BCAS3: variants seen among roughly 807,000 people sequenced by gnomAD.
The protein encoded by BCAS3 is BCAS4/BCAS3 fusion.
In BCAS3, 53 loss-of-function variants were observed where a neutral mutation model predicts 116.1. That is an observed-to-expected ratio of 0.46 (90% CI 0.37 to 0.57). The LOEUF (loss-of-function observed/expected upper bound fraction) is 0.57. Ranked by LOEUF, BCAS3 falls within the 20% of genes least tolerant of loss-of-function variation. The pLI is 0.00. For missense variants in BCAS3, 917 were observed against 1,165.4 expected, an observed-to-expected ratio of 0.79 and a Z score of 3.10; for synonymous variants, 391 against 408.2, an observed-to-expected ratio of 0.96 and a Z score of 0.51.
At chr17:61,177,718 A>G (rs1347880922) in intron 22 of BCAS3, among the ~76,000 whole-genome samples, 2 of 152,266 alleles carry the variant, frequency 1.3e-5, no homozygotes, top group East Asian at 1.9e-4. Flanking sequence ...CAATTAAACT[A>G]TCAAAATATA....
chr17:61,095,844 TAC>T lies in BCAS3; in HGVS notation c.2425+11308_2425+11309del, dbSNP rs10671633. Among the ~76,000 whole-genome samples, 863 of 145,148 alleles carry T rather than the reference TAC, an allele frequency of 5.9e-3. 4 individuals carry two copies. The highest frequency in any genetic ancestry group is 8.3e-3 in the African/African-American group (331 of 39,980). ...AAAACCACTGGTATGCATATTCTCG[TAC>T]ACACACACACACACACACACACACA... On this transcript the variant is annotated intron_variant, in intron 22 of 23. Coordinates refer to ENST00000407086, the MANE Select transcript of BCAS3 (RefSeq NM_017679.5). This position sits in a 1 kb window ranked among gnomAD's most constrained non-coding sequence, Gnocchi z 4.7.
chr17:60,986,380 C>T (rs539586979), intron 14 of BCAS3, among the ~76,000 whole-genome samples: 6 of 152,212 alleles, frequency 3.9e-5, no homozygotes, highest in South Asian at 4.1e-4. Flanking sequence ...CTGGATCATA[C>T]GGTAGCTCTA....
rs1377940997 is a variant in BCAS3, at chr17:61,205,573, A to G, written c.2425+121009A>G. On this transcript the variant is annotated intron_variant, in intron 22 of 23. Coordinates refer to ENST00000407086, the MANE Select transcript of BCAS3 (RefSeq NM_017679.5). The surrounding 1 kb of genome is among the most constrained non-coding windows in gnomAD (Gnocchi z 5.2). ...CAGCCATAATGTCATTGACCTTGAC[A>G]TACTCAGAACAAATTGGTCTGTGTG... Among the ~76,000 whole-genome samples, 3 of 152,204 alleles carry G rather than the reference A, an allele frequency of 2.0e-5. No homozygotes were observed. The highest frequency in any genetic ancestry group is 2.9e-5 in the Non-Finnish European group (2 of 68,038).
At chr17:60,933,335 C>T (rs2059760449) in intron 13 of BCAS3, among the ~76,000 whole-genome samples, 1 of 152,138 alleles carries the variant, frequency 6.6e-6, no homozygotes. Flanking sequence ...TGACATGAAC[C>T]TTTAATTCAG....
chr17:61,340,313 A>C lies in BCAS3; in HGVS notation c.2426-28014A>C, dbSNP rs73993463. ...ATTGACCTTGGTAGAAGGAAGGGGG[A>C]CTGTGTATACACAGATGCAGGGGGT... On this transcript the variant is annotated intron_variant, in intron 22 of 23. Coordinates refer to ENST00000407086, the MANE Select transcript of BCAS3 (RefSeq NM_017679.5). Among the ~76,000 whole-genome samples, 861 of 116,492 alleles carry C rather than the reference A, an allele frequency of 7.4e-3. 10 individuals carry two copies. Among genetic ancestry groups the C allele is most frequent in the African/African-American group, 0.028 (827 of 29,282 alleles). 76.4% of individuals were successfully genotyped at this position (116,492 alleles called of 152,430 possible). A position where few individuals can be genotyped will look rare whatever the true frequency, so the allele number is the denominator to read the frequency against.
At chr17:60,925,988 A>G (rs556564725) in intron 13 of BCAS3, among the ~76,000 whole-genome samples, 54 of 152,254 alleles carry the variant, frequency 3.5e-4, no homozygotes, top group South Asian at 2.5e-3. Context: ...CAATATTTTA[A>G]GTGATTTTGT....
At chr17:61,100,430 G>T (rs182230271) in intron 22 of BCAS3, among the ~76,000 whole-genome samples, 1 of 152,152 alleles carries the variant, frequency 6.6e-6, no homozygotes, top group Non-Finnish European at 1.5e-5. Flanking sequence ...TATGGTGCCT[G>T]ACACTTTTCA....
intron 23 of BCAS3, among the ~76,000 whole-genome samples, chr17:61,374,671 G>C (rs2059245817): frequency 2.0e-5 from 3 of 152,136 alleles, no homozygotes; most frequent in Admixed American, 1.3e-4. Context: ...AGTTATTCTT[G>C]GGGATAACAT....
chr17:61,116,021 C>T (rs904128333), intron 22 of BCAS3, among the ~76,000 whole-genome samples: 1 of 144,026 alleles, frequency 6.9e-6, no homozygotes, highest in Non-Finnish European at 1.5e-5. Flanking sequence ...TATTCTCACT[C>T]ATAGGTGGGA....
At chr17:61,290,573 T>G (rs1341948940) in intron 22 of BCAS3, among the ~76,000 whole-genome samples, 1 of 152,194 alleles carries the variant, frequency 6.6e-6, no homozygotes, top group Non-Finnish European at 1.5e-5. Flanking sequence ...TTCAGAGAGA[T>G]CTAGATAACG....
intron 22 of BCAS3, among the ~76,000 whole-genome samples, chr17:61,172,549 A>C (rs150636530): frequency 0.02 from 3,084 of 152,318 alleles, 111 homozygotes; most frequent in African/African-American, 0.071. Context: ...AGGAGGGAGA[A>C]GGGCGTGAAC....
chr17:60,776,198 T>C (rs1487759150), intron 6 of BCAS3, among the ~76,000 whole-genome samples: 2 of 152,336 alleles, frequency 1.3e-5, no homozygotes, highest in East Asian at 3.9e-4. Flanking sequence ...ATAACAGTAT[T>C]GACTCAGTTT....
chr17:60,701,817 A>AAAAAAAAAG (rs2036442986), intron 4 of BCAS3, among the ~76,000 whole-genome samples: 4 of 149,142 alleles, frequency 2.7e-5, no homozygotes, highest in African/African-American at 1.0e-4. Flanking sequence ...AAAAAAAAAA[A>AAAAAAAAAG]AAAAGAAAAA....
At position 61,368,317 on chromosome 17, in the gene BCAS3, T is replaced by C; in HGVS notation, c.2426-10T>C. 1 of 1,583,732 alleles carries C rather than the reference T, an allele frequency of 6.3e-7. No homozygotes were observed. The highest frequency in any genetic ancestry group is 1.1e-5 in the South Asian group (1 of 89,054). The stretch of plus-strand genomic sequence containing the variant: ...TGGACTCAACGTCAGATGTCCCGTG[T>C]GTGCCACAGGTACCTTTGACAGGAG... On this transcript the variant is annotated splice_polypyrimidine_tract_variant and intron_variant, in intron 22 of 23. Transcript: ENST00000407086. The surrounding 1 kb of genome is among the most constrained non-coding windows in gnomAD (Gnocchi z 6.0).
In BCAS3 at chr17:61,124,071, G is replaced by A. The variant is rs919700379; in HGVS notation, c.2425+39507G>A. On this transcript the variant is annotated intron_variant, in intron 22 of 23. Transcript: ENST00000407086. This position sits in a 1 kb window ranked among gnomAD's most constrained non-coding sequence, Gnocchi z 4.6. The stretch of plus-strand genomic sequence containing the variant: ...TTATTTCAAACTTGTATCTAGGAGA[G>A]AGATATATATATATACATATATATG... 6.6e-6 allele frequency among the ~76,000 whole-genome samples: 1 copy of A among 151,696 alleles called. No individual in the cohort carries two copies. The highest frequency in any genetic ancestry group is 6.6e-5 in the Admixed American group (1 of 15,232).
chr17:60,778,055 A>C (rs2045472716), intron 6 of BCAS3, among the ~76,000 whole-genome samples: 1 of 152,104 alleles, frequency 6.6e-6, no homozygotes, highest in African/African-American at 2.4e-5. Context: ...TTGAGTTTAG[A>C]TAGTTCTTTA....
At position 61,128,559 on chromosome 17, in the gene BCAS3, T is replaced by C. The variant is rs548000651; in HGVS notation, c.2425+43995T>C. ...AATCGTTTGAATCGTTTGACTGCTA[T>C]ACACAATCCCCAGCACTTATAAAAT... On this transcript the variant is annotated intron_variant, in intron 22 of 23. Transcript: ENST00000407086. The surrounding 1 kb of genome is among the most constrained non-coding windows in gnomAD (Gnocchi z 4.1). The C allele has an allele frequency of 1.7e-5, 17 of 985,426 alleles. No individual in the cohort carries two copies. The South Asian group carries it at 7.5e-4, about 44-fold the overall frequency. The allele number at this position is 985,426 out of a possible 1,614,324, so 61.0% of individuals were successfully genotyped here. A position where few individuals can be genotyped will look rare whatever the true frequency, so the allele number is the denominator to read the frequency against.
At position 60,962,079 on chromosome 17, in the gene BCAS3, C is replaced by T. The variant is rs1358394581; in HGVS notation, c.1221+14727C>T. ...ATATACCATATATGCTTTATTTATT[C>T]ATCTGTTGATGAACTCTTAGAGTGA... On this transcript the variant is annotated intron_variant, in intron 14 of 23. Transcript: ENST00000407086. This position sits in a 1 kb window ranked among gnomAD's most constrained non-coding sequence, Gnocchi z 4.4. Among the ~76,000 whole-genome samples, 1 of 152,022 alleles carries T rather than the reference C, an allele frequency of 6.6e-6. No homozygotes were observed.
chr17:60,824,234 C>A (rs1029351107), intron 7 of BCAS3, among the ~76,000 whole-genome samples: 1 of 152,120 alleles, frequency 6.6e-6, no homozygotes, highest in African/African-American at 2.4e-5. Context: ...AGTAGGCATA[C>A]ATGTATTTAT....
Sources: gnomAD v4.1 joint callset for allele counts (sites outside exome capture counted in the v4.1 genomes callset) on GRCh38, gnomAD v4.1.1 for gene constraint, Gnocchi (gnomAD v3.1) non-coding constraint, MANE v1.5 for transcripts, NCBI Gene and HGNC (gene_info 2026-07-23, HGNC 2026-07-21) for gene names.